TTLL1: variants seen among roughly 807,000 people sequenced by gnomAD.
TTLL1 encodes the protein TTL family tubulin polyglutamylase complex subunit L1, also known as polyglutamylase complex subunit TTLL1.
Under a neutral mutation model 47.8 loss-of-function variants are expected in TTLL1, and 33 were observed. The observed-to-expected ratio is 0.69, with a 90% CI of 0.52 to 0.92. TTLL1 has a LOEUF of 0.92. Ranked by LOEUF, TTLL1 falls within the 40% of genes least tolerant of loss-of-function variation. The probability of loss-of-function intolerance (pLI) is 0.00; values close to 1 mark genes in which losing one functional copy is unlikely to be tolerated. For synonymous variants in TTLL1, 225 were observed against 214.1 expected, an observed-to-expected ratio of 1.05 and a Z score of -0.45; for missense variants, 488 against 547.5, an observed-to-expected ratio of 0.89 and a Z score of 1.08.
intron 4 of TTLL1, 49 bp from the exon 5 acceptor site, chr22:43,068,639 G>A (rs765776219): frequency 2.2e-6 from 3 of 1,370,072 alleles, no homozygotes; most frequent in Non-Finnish European, 2.9e-6. Context: ...CCCAACAGTG[G>A]CCATGAACAG....
At chr22:43,076,560 G>C (rs556782128) in intron 2 of TTLL1, among the ~76,000 whole-genome samples, 1 of 151,922 alleles carries the variant, frequency 6.6e-6, no homozygotes, top group East Asian at 1.9e-4. Flanking sequence ...GACCATCCTG[G>C]CTAACACGGT....
intron 5 of TTLL1, among the ~76,000 whole-genome samples, chr22:43,067,321 C>T (rs1179705486): frequency 6.6e-6 from 1 of 152,208 alleles, no homozygotes; most frequent in Non-Finnish European, 1.5e-5. Context: ...CTGCTGGTGT[C>T]CCCGGTTTAC....
At chr22:43,076,360 G>A (rs1928488453) in intron 2 of TTLL1, among the ~76,000 whole-genome samples, 1 of 152,166 alleles carries the variant, frequency 6.6e-6, no homozygotes, top group South Asian at 2.1e-4. Context: ...GGAGGTTGAG[G>A]CAGGAGAATC....
chr22:43,083,531 G>A (rs909556451), intron 1 of TTLL1, among the ~76,000 whole-genome samples: 8 of 152,006 alleles, frequency 5.3e-5, no homozygotes, highest in African/African-American at 1.7e-4. Context: ...TCACGAGTTC[G>A]AGGCCAGCCG....
rs560468161 is a variant in TTLL1, at chr22:43,072,162, T to C, written c.114-2318A>G. ...ATCTTTATTTTCTTTTTCTTTTTTT[T>C]TTTTTTTTTGAGACGGAGTCTTGCT... On this transcript the variant is annotated intron_variant, in intron 3 of 10. Coordinates refer to ENST00000266254, the MANE Select transcript of TTLL1 (RefSeq NM_012263.5). Among the ~76,000 whole-genome samples the C allele has an allele frequency of 6.1e-3, 921 of 150,054 alleles. 5 individuals carry two copies. The highest frequency in any genetic ancestry group is 0.01 in the Admixed American group (153 of 15,066).
chr22:43,052,576 A>G (rs900270676), intron 8 of TTLL1, among the ~76,000 whole-genome samples: 1 of 151,692 alleles, frequency 6.6e-6, no homozygotes, highest in Non-Finnish European at 1.5e-5. Context: ...CCCCGCCTCT[A>G]CAAAAAATAA....
chr22:43,061,197 T>G (rs890718416), intron 7 of TTLL1, among the ~76,000 whole-genome samples: 9 of 152,096 alleles, frequency 5.9e-5, no homozygotes, highest in African/African-American at 1.4e-4. Flanking sequence ...CTAAAAAAAC[T>G]AATAATCATA....
chr22:43,087,454 G>A (rs141043978), intron 1 of TTLL1, among the ~76,000 whole-genome samples: 2,799 of 151,704 alleles, frequency 0.018, 86 homozygotes, highest in African/African-American at 0.064. Context: ...AACCTGGGAG[G>A]TGGAGGTTGC....
intron 3 of TTLL1, among the ~76,000 whole-genome samples, chr22:43,072,148 C>G (rs10222297): frequency 0.22 from 32,010 of 147,194 alleles, 5,100 homozygotes; most frequent in East Asian, 0.69. Flanking sequence ...TCTTTATTTT[C>G]TTTTTCTTTT....
chr22:43,087,297 G>C (rs1328747909), intron 1 of TTLL1, among the ~76,000 whole-genome samples: 2 of 152,188 alleles, frequency 1.3e-5, no homozygotes, highest in African/African-American at 4.8e-5. Context: ...GGCCAAGACA[G>C]GTGGATCACC....
At chr22:43,053,751 T>C (rs1926806909) in intron 8 of TTLL1, among the ~76,000 whole-genome samples, 3 of 152,336 alleles carry the variant, frequency 2.0e-5, no homozygotes, top group Admixed American at 2.0e-4. Flanking sequence ...TCCCAAAGCC[T>C]CACAGAGCCT....
At chr22:43,088,717 GCTTTGCAAATGC>G (rs1330004296) in intron 1 of TTLL1, among the ~76,000 whole-genome samples, 1 of 152,094 alleles carries the variant, frequency 6.6e-6, no homozygotes. Context: ...CAAAGAACCT[GCTTTGCAAATGC>G]CAAAAGGGCT....
chr22:43,045,802 C>T (rs1487124052), intron 10 of TTLL1, among the ~76,000 whole-genome samples: 3 of 152,014 alleles, frequency 2.0e-5, no homozygotes, highest in Non-Finnish European at 2.9e-5. Context: ...GCTATCCCAG[C>T]GGCCAAGCAC....
rs192415643 is a variant in TTLL1 at position 43,046,699 on chromosome 22, C to T, written c.979-126G>A. 36 of 1,135,972 alleles carry T rather than the reference C, an allele frequency of 3.2e-5. No homozygotes were observed. The Admixed American group carries it at 4.4e-4, about 14-fold the overall frequency. 70.4% of individuals were successfully genotyped at this position (1,135,972 alleles called of 1,614,324 possible). A position where few individuals can be genotyped will look rare whatever the true frequency, so the allele number is the denominator to read the frequency against. On this transcript the variant is annotated intron_variant, in intron 9 of 10. Transcript: ENST00000266254. The stretch of plus-strand genomic sequence containing the variant: ...GAAGTTTTTTTTTGAGACAGAGTTT[C>T]GCTCTTGTTGCCCAGGCTGGAGTGC...
rs1926911696 is a variant in TTLL1, at chr22:43,055,073, G to C, written c.892-3186C>G. 1.3e-5 allele frequency among the ~76,000 whole-genome samples: 2 copies of C among 151,190 alleles called. 1 individual carries two copies. Among genetic ancestry groups the C allele is most frequent in the South Asian group, 4.2e-4 (2 of 4,794 alleles). The stretch of plus-strand genomic sequence containing the variant: ...AATCTTAACTCTGTCACCCAGGCTG[G>C]GGTGCAGTGGTGTGGTCTCCACTCA... On this transcript the variant is annotated intron_variant, in intron 8 of 10. Transcript: ENST00000266254.
chr22:43,044,840 C>T (rs1925977868), intron 10 of TTLL1, among the ~76,000 whole-genome samples: 1 of 151,914 alleles, frequency 6.6e-6, no homozygotes, highest in Admixed American at 6.6e-5. Context: ...CCTCCCAGGC[C>T]CCATGGTGTA....
chr22:43,082,216 C>T (rs1409479686), intron 1 of TTLL1, among the ~76,000 whole-genome samples: 1 of 151,148 alleles, frequency 6.6e-6, no homozygotes, highest in East Asian at 1.9e-4. Flanking sequence ...ATAATATCTA[C>T]AAAGGCTCCA....
At chr22:43,081,069 C>T (rs1928853912) in intron 1 of TTLL1, among the ~76,000 whole-genome samples, 1 of 151,740 alleles carries the variant, frequency 6.6e-6, no homozygotes, top group Admixed American at 6.6e-5. Context: ...GAGCCCATCA[C>T]CACGCCTGGT....
rs911726198 is a variant in TTLL1, at chr22:43,069,973, G to A, written c.114-129C>T. The A allele has an allele frequency of 1.1e-5, 15 of 1,424,846 alleles. No individual in the cohort carries two copies. The African/African-American group carries it at 1.4e-4, about 14-fold the overall frequency. The allele number at this position is 1,424,846 out of a possible 1,614,324, so 88.3% of individuals were successfully genotyped here. On this transcript the variant is annotated intron_variant, in intron 3 of 10. Coordinates refer to ENST00000266254, the MANE Select transcript of TTLL1 (RefSeq NM_012263.5). ...ACTACTCCCACATCCCCTGGCACCTGAGCCAGGGGTTGCCCGGCCCACAGC... is the reference window on the plus strand; with the variant it reads ...ACTACTCCCACATCCCCTGGCACCTAAGCCAGGGGTTGCCCGGCCCACAGC...
Sources: gnomAD v4.1 joint callset for allele counts (sites outside exome capture counted in the v4.1 genomes callset) on GRCh38, gnomAD v4.1.1 for gene constraint, MANE v1.5 for transcripts, NCBI Gene and HGNC (gene_info 2026-07-23, HGNC 2026-07-21) for gene names.